MKNK1: variants seen among roughly 807,000 people sequenced by gnomAD.
The protein encoded by MKNK1 is MAPK interacting serine/threonine kinase 1, also known as MAP kinase-interacting serine/threonine-protein kinase 1.
In MKNK1, 30 loss-of-function variants were observed where a neutral mutation model predicts 49.3. The observed-to-expected ratio is 0.61, with a 90% CI of 0.46 to 0.83. The LOEUF is 0.83. Ranked by LOEUF, MKNK1 falls within the 40% of genes least tolerant of loss-of-function variation. The pLI, the probability that MKNK1 is intolerant of heterozygous loss-of-function variation, is 0.00. For missense variants in MKNK1, 423 were observed against 524.7 expected, an observed-to-expected ratio of 0.81 and a Z score of 1.89; for synonymous variants, 176 against 201.7, an observed-to-expected ratio of 0.87 and a Z score of 1.08.
At chr1:46,565,215 G>T in intron 8 of MKNK1, 79 bp from the exon 9 acceptor site, 1 of 1,306,998 alleles carries the variant, frequency 7.7e-7, no homozygotes, top group Non-Finnish European at 1.1e-6. Context: ...CTGTACGGGT[G>T]CATGGCTCCG....
chr1:46,560,509 C>T (rs1475443750), intron 11 of MKNK1, among the ~76,000 whole-genome samples: 2 of 152,182 alleles, frequency 1.3e-5, no homozygotes, highest in African/African-American at 4.8e-5. Flanking sequence ...TTCCCTTTGC[C>T]TGGCAAAGTC....
At chr1:46,594,878 T>C in intron 1 of MKNK1, 2 of 412,436 alleles carry the variant, frequency 4.8e-6, no homozygotes, top group Non-Finnish European at 9.7e-6. Flanking sequence ...CTGTAGCTGC[T>C]TGGGAGGCTG....
intron 6 of MKNK1, chr1:46,572,384 T>C: frequency 2.5e-6 from 1 of 396,536 alleles, no homozygotes; most frequent in East Asian, 4.9e-5. Context: ...AGCTAATTTT[T>C]GTACTTTTTT....
chr1:46,599,994 AACACAC>A (rs749020109), intron 1 of MKNK1, among the ~76,000 whole-genome samples: 1 of 150,760 alleles, frequency 6.6e-6, no homozygotes, highest in African/African-American at 2.4e-5. Context: ...CCCCTCCCAC[AACACAC>A]ACACACACAC....
At position 46,580,532 on chromosome 1, in the gene MKNK1, T is replaced by C; in HGVS notation, c.196A>G (p.Lys66Glu). 1 of 1,610,834 alleles carries C rather than the reference T, an allele frequency of 6.2e-7. No homozygotes were observed. Among genetic ancestry groups the C allele is most frequent in the South Asian group, 1.1e-5 (1 of 91,026 alleles). Residue 66 changes from lysine to glutamate, a missense_variant and splice_region_variant, in exon 4 of 13, where the codon AAA becomes GAA. Physicochemically the swap from Lys to Glu is moderately conservative, Grantham distance 56. Transcript: ENST00000371945. Reference sequence around the variant, plus strand: ...TGGCATTCAGCTGAGACACTCACTTTGACGGCATACTCTTTGCCATTCTGT... The same window carrying C: ...TGGCATTCAGCTGAGACACTCACTTCGACGGCATACTCTTTGCCATTCTGT... ...SLQNGKEYAV[K>E]IIEKQAGHSR... is the part of the protein sequence containing the mutation.
At chr1:46,602,076 A>G (rs974091859) in intron 1 of MKNK1, among the ~76,000 whole-genome samples, 5 of 152,180 alleles carry the variant, frequency 3.3e-5, no homozygotes, top group Admixed American at 3.3e-4. Flanking sequence ...AAGAGAGAAT[A>G]TAAGCAAAGG....
At chr1:46,583,191 G>T in intron 3 of MKNK1, 37 bp downstream of exon 3, 1 of 1,541,370 alleles carries the variant, frequency 6.5e-7, no homozygotes, top group Non-Finnish European at 9.0e-7. Flanking sequence ...TGCTTGGGAA[G>T]CTGCAGGCCC....
chr1:46,588,574 G>A (rs1165917532), intron 2 of MKNK1, among the ~76,000 whole-genome samples: 38 of 152,184 alleles, frequency 2.5e-4, no homozygotes, highest in African/African-American at 8.7e-4. Context: ...TTGGGAGGCC[G>A]AGGCGGGCGG....
At chr1:46,585,867 A>C (rs1325553132) in intron 2 of MKNK1, 10 of 1,307,220 alleles carry the variant, frequency 7.6e-6, no homozygotes, top group Non-Finnish European at 9.3e-6. Context: ...ACACAAAGAC[A>C]GAGTACCTGG....
chr1:46,598,372 C>G (rs953776284), intron 1 of MKNK1, among the ~76,000 whole-genome samples: 5 of 152,122 alleles, frequency 3.3e-5, no homozygotes, highest in African/African-American at 1.2e-4. Context: ...CCATTTCCTA[C>G]AGGCACTTTC....
chr1:46,570,386 T>C (rs536700373), intron 7 of MKNK1: 1 of 152,230 alleles, frequency 6.6e-6, no homozygotes, highest in Non-Finnish European at 1.5e-5. Flanking sequence ...ACAGAGCTGA[T>C]GCTATTCATC....
intron 8 of MKNK1, 170 bp from the exon 9 acceptor site, chr1:46,565,306 C>T: frequency 1.6e-6 from 1 of 638,066 alleles, no homozygotes; most frequent in Non-Finnish European, 2.8e-6. Context: ...GGATTTCTTC[C>T]CAAGTGTCTT....
chr1:46,574,744 C>A, intron 6 of MKNK1: 1 of 533,038 alleles, frequency 1.9e-6, no homozygotes, highest in Non-Finnish European at 3.3e-6. Flanking sequence ...ATAAAATACC[C>A]ACACAGGTGA....
In MKNK1 at chr1:46,558,544, C is replaced by A; in HGVS notation, c.*31G>T. ...TTCCAGGGGACAATGCCTGGCCAGGCCTAGGGCCTATAAGGTGTGACTGGA... is the reference window on the plus strand; with the variant it reads ...TTCCAGGGGACAATGCCTGGCCAGGACTAGGGCCTATAAGGTGTGACTGGA... On this transcript the variant is annotated 3_prime_UTR_variant, in exon 13 of 13. Coordinates refer to ENST00000371945, the MANE Select transcript of MKNK1 (RefSeq NM_001135553.4). 1 of 1,562,574 alleles carries A rather than the reference C, an allele frequency of 6.4e-7. No individual in the cohort carries two copies. Among genetic ancestry groups the A allele is most frequent in the Non-Finnish European group, 8.7e-7 (1 of 1,154,626 alleles).
chr1:46,562,721 G>A lies in MKNK1; in HGVS notation c.732C>T (p.Gly244=). Residue 244 remains glycine (G), a synonymous_variant, in exon 10 of 13, where the codon GGC becomes GGT. Coordinates refer to ENST00000371945, the MANE Select transcript of MKNK1 (RefSeq NM_001135553.4). The part of the protein sequence containing the change: ...LGVVLYIMLS[G]YPPFVGHCGA... ...CGCAGTGACCCACGAAGGGTGGGTA[G>A]CCACTCAGCATGATGTAGAGGACCA... 6.3e-7 allele frequency: 1 copy of A among 1,593,626 alleles called. No homozygotes were observed.
At chr1:46,572,222 GTT>G in intron 6 of MKNK1, 55 bp from the exon 7 acceptor site, 2 of 1,297,078 alleles carry the variant, frequency 1.5e-6, no homozygotes, top group Non-Finnish European at 1.1e-6. Context: ...GTAAGTATAA[GTT>G]TTTTTTTTAG....
chr1:46,584,529 T>C (rs1392677045), intron 2 of MKNK1: 1 of 151,852 alleles, frequency 6.6e-6, no homozygotes, highest in East Asian at 1.9e-4. Context: ...TGAGAGCTTT[T>C]AAAATGGAAG....
chr1:46,570,868 T>C (rs1048134800), intron 7 of MKNK1, among the ~76,000 whole-genome samples: 14 of 152,238 alleles, frequency 9.2e-5, no homozygotes, highest in African/African-American at 3.4e-4. Context: ...GATACACATT[T>C]TTCATCTATA....
intron 2 of MKNK1, among the ~76,000 whole-genome samples, chr1:46,587,300 T>C (rs929318444): frequency 1.3e-5 from 2 of 152,096 alleles, no homozygotes; most frequent in Non-Finnish European, 2.9e-5. Context: ...GTCCACCACA[T>C]GTGTCTATTA....
Sources: gnomAD v4.1 joint callset for allele counts (sites outside exome capture counted in the v4.1 genomes callset) on GRCh38, gnomAD v4.1.1 for gene constraint, MANE v1.5 for transcripts, NCBI Gene and HGNC (gene_info 2026-07-23, HGNC 2026-07-21) for gene names.